Variants in SUGCT observed in about 807,000 individuals in gnomAD.
The protein encoded by SUGCT is succinyl-CoA:glutarate CoA-transferase.
A neutral mutation model predicts 55.0 loss-of-function variants in SUGCT; 41 were observed. The observed-to-expected ratio is 0.74, with a 90% CI of 0.58 to 0.97. The LOEUF (loss-of-function observed/expected upper bound fraction) is 0.97. SUGCT is among the 50% of genes least tolerant of loss of function. The probability of loss-of-function intolerance (pLI) is 0.00; values close to 1 mark genes in which losing one functional copy is unlikely to be tolerated. For missense variants in SUGCT, 568 were observed against 547.8 expected (o/e 1.04, Z -0.37); for synonymous variants, 187 against 200.4 (o/e 0.93, Z 0.56).
At chr7:40,822,185 T>C (rs1422794351) in intron 13 of SUGCT, among the ~76,000 whole-genome samples, 2 of 150,534 alleles carry the variant, frequency 1.3e-5, no homozygotes, top group Admixed American at 6.6e-5. Context: ...TACTTCCGAC[T>C]ATGTGGTCAA....
chr7:40,508,831 A>G (rs147513475), intron 12 of SUGCT, among the ~76,000 whole-genome samples: 213 of 152,286 alleles, frequency 1.4e-3, no homozygotes, highest in African/African-American at 4.9e-3. Context: ...TCTTTACCCT[A>G]TCAGAATAAA....
chr7:40,266,178 T>C (rs2150975028), intron 7 of SUGCT, among the ~76,000 whole-genome samples: 1 of 94,492 alleles, frequency 1.1e-5, no homozygotes, highest in South Asian at 4.1e-4. Context: ...TTCTTTTCTT[T>C]CCTTTCCTTT....
At chr7:40,722,264 A>T (rs1030354320) in intron 12 of SUGCT, among the ~76,000 whole-genome samples, 3 of 152,220 alleles carry the variant, frequency 2.0e-5, no homozygotes, top group Admixed American at 6.5e-5. Context: ...AAAACAAAGC[A>T]AGCATACAGC....
chr7:40,846,388 A>C (rs1563044672), intron 13 of SUGCT, among the ~76,000 whole-genome samples: 2 of 149,514 alleles, frequency 1.3e-5, no homozygotes, highest in Non-Finnish European at 3.0e-5. Context: ...AAAAAAAAAA[A>C]CAGTCAGGAG....
chr7:40,379,934 G>A (rs942046713), intron 9 of SUGCT, among the ~76,000 whole-genome samples: 2 of 152,286 alleles, frequency 1.3e-5, no homozygotes, highest in East Asian at 3.9e-4. Flanking sequence ...GATCTCCCTT[G>A]ATAAGTTTTT....
At chr7:40,279,965 C>G (rs1255021328) in intron 8 of SUGCT, among the ~76,000 whole-genome samples, 1 of 152,072 alleles carries the variant, frequency 6.6e-6, no homozygotes, top group Non-Finnish European at 1.5e-5. Context: ...GTAAAAAACA[C>G]ATTTTCCTAC....
chr7:40,925,540 A>G, the SUGCT span, among the ~76,000 whole-genome samples: 9 of 152,278 alleles, frequency 5.9e-5, no homozygotes, highest in African/African-American at 2.2e-4. Context: ...ATTATTCCCT[A>G]TTCTGCAGAG....
At chr7:40,765,035 C>G (rs964394055) in intron 13 of SUGCT, among the ~76,000 whole-genome samples, 1 of 152,076 alleles carries the variant, frequency 6.6e-6, no homozygotes, top group Admixed American at 6.6e-5. Context: ...CAGTAGAGTC[C>G]CTACATTCTC....
Position 40,857,414 on chromosome 7 carries a change from A to G in SUGCT, c.1154-2902A>G, listed in dbSNP as rs573215430. Among the ~76,000 whole-genome samples, 3 of 152,332 alleles carry G rather than the reference A, an allele frequency of 2.0e-5. No homozygotes were observed. In the South Asian group the frequency reaches 6.2e-4, roughly 32 times the overall value. ...CACTTTATTTGTCCCGTTGCAGTCT[A>G]TGTCTTCATCCTAGCAAGTGTGAAA... On this transcript the variant is annotated intron_variant, in intron 13 of 13. Coordinates refer to ENST00000335693, the MANE Select transcript of SUGCT (RefSeq NM_001193313.2).
intron 13 of SUGCT, among the ~76,000 whole-genome samples, chr7:40,763,050 C>A (rs1788612659): frequency 6.6e-6 from 1 of 152,092 alleles, no homozygotes; most frequent in African/African-American, 2.4e-5. Flanking sequence ...CTCCTGACCT[C>A]AGGTGATCCT....
chr7:40,339,070 TG>T (rs1006825296), intron 9 of SUGCT, among the ~76,000 whole-genome samples: 1 of 152,220 alleles, frequency 6.6e-6, no homozygotes, highest in Non-Finnish European at 1.5e-5. Context: ...TGAACATTGC[TG>T]AACAGCAAAT....
At chr7:40,179,583 A>G (rs1025404196) in intron 1 of SUGCT, among the ~76,000 whole-genome samples, 4 of 152,094 alleles carry the variant, frequency 2.6e-5, no homozygotes, top group African/African-American at 9.7e-5. Flanking sequence ...ATGCCCGGCC[A>G]GTTGGGCAGT....
At chr7:40,274,413 G>T in intron 7 of SUGCT, 100 bp from the exon 8 acceptor site, 1 of 1,300,998 alleles carries the variant, frequency 7.7e-7, no homozygotes, top group South Asian at 1.5e-5. Context: ...ACAGTTAATA[G>T]ACAATTCTTT....
chr7:40,618,805 T>G (rs1799129183), intron 12 of SUGCT, among the ~76,000 whole-genome samples: 1 of 152,246 alleles, frequency 6.6e-6, no homozygotes, highest in South Asian at 2.1e-4. Flanking sequence ...GAGCTAATCT[T>G]GTTAATGGTG....
chr7:40,305,410 C>G (rs773627791), intron 8 of SUGCT, among the ~76,000 whole-genome samples: 4 of 152,102 alleles, frequency 2.6e-5, no homozygotes. Context: ...TGGGAGTGTT[C>G]CTGTTGTGGA....
At chr7:40,461,846 C>G (rs1350055879) in intron 11 of SUGCT, among the ~76,000 whole-genome samples, 1 of 152,160 alleles carries the variant, frequency 6.6e-6, no homozygotes, top group Non-Finnish European at 1.5e-5. Context: ...TGTTATTATT[C>G]CCACTTGATA....
the SUGCT span, among the ~76,000 whole-genome samples, chr7:40,900,390 G>C: frequency 2.3e-4 from 35 of 152,294 alleles, no homozygotes; most frequent in South Asian, 6.8e-3. Context: ...TTGTTTCCTT[G>C]TCTACAGGAT....
chr7:40,442,055 C>A (rs1219922435), intron 9 of SUGCT, among the ~76,000 whole-genome samples: 1 of 151,924 alleles, frequency 6.6e-6, no homozygotes, highest in Non-Finnish European at 1.5e-5. Context: ...GAGGTTTTGA[C>A]GATAGTGATG....
intron 13 of SUGCT, among the ~76,000 whole-genome samples, chr7:40,838,442 A>T (rs1793102578): frequency 6.6e-6 from 1 of 152,218 alleles, no homozygotes; most frequent in African/African-American, 2.4e-5. Context: ...TTCTTTTATC[A>T]GCATTTTGTA....
Sources: gnomAD v4.1 joint callset for allele counts (sites outside exome capture counted in the v4.1 genomes callset) on GRCh38, gnomAD v4.1.1 for gene constraint, MANE v1.5 for transcripts, NCBI Gene and HGNC (gene_info 2026-07-23, HGNC 2026-07-21) for gene names.